JHY: variants seen among roughly 807,000 people sequenced by gnomAD.
The protein encoded by JHY is jhy protein homolog.
In JHY, 69 loss-of-function variants were observed where a neutral mutation model predicts 78.0. The ratio of observed to expected loss-of-function variants is 0.88; its 90% CI spans 0.73 to 1.08. JHY has a LOEUF of 1.08. Ranked by LOEUF, JHY falls within the 50% of genes least tolerant of loss-of-function variation. JHY has a pLI of 0.00. For synonymous variants in JHY, 368 were observed against 342.6 expected (o/e 1.07, Z -0.82); for missense variants, 944 against 927.8 (o/e 1.02, Z -0.23).
chr11:122,890,073 C>T (rs903600704), intron 2 of JHY, among the ~76,000 whole-genome samples: 13 of 150,024 alleles, frequency 8.7e-5, no homozygotes, highest in Non-Finnish European at 3.0e-5. Flanking sequence ...TTTTTTCCAA[C>T]GAAACTTTAA....
chr11:122,935,222 C>G lies in JHY; in HGVS notation c.1634+147C>G. ...CCTAACAACTTCCTTAGCTCTGATT[C>G]CTGCCTCAAAGAGTCCACTTTTTTT... On this transcript the variant is annotated intron_variant, in intron 5 of 8. Coordinates refer to ENST00000227349, the MANE Select transcript of JHY (RefSeq NM_024806.4). This position sits in a 1 kb window ranked among gnomAD's most constrained non-coding sequence, Gnocchi z 4.5. The G allele has an allele frequency of 3.0e-6, 2 of 664,738 alleles. No individual in the cohort carries two copies. Among genetic ancestry groups the G allele is most frequent in the Non-Finnish European group, 4.7e-6 (2 of 424,982 alleles). 41.2% of individuals were successfully genotyped at this position (664,738 alleles called of 1,614,324 possible).
intron 3 of JHY, among the ~76,000 whole-genome samples, chr11:122,915,078 T>C (rs1863207470): frequency 2.0e-5 from 3 of 152,158 alleles, no homozygotes; most frequent in Non-Finnish European, 2.9e-5. Flanking sequence ...AACCAAAGCA[T>C]GCCCCTTTGA....
chr11:122,915,948 G>A (rs887215178), intron 3 of JHY, among the ~76,000 whole-genome samples: 2 of 151,780 alleles, frequency 1.3e-5, no homozygotes, highest in African/African-American at 4.8e-5. Flanking sequence ...CTATACTGCT[G>A]GTCAAGAACT....
rs1186657870 is a variant in JHY at position 122,959,460 on chromosome 11, G to A, written c.*15G>A. The A allele has an allele frequency of 1.9e-6, 3 of 1,611,260 alleles. No homozygotes were observed. Among genetic ancestry groups the A allele is most frequent in the Non-Finnish European group, 2.5e-6 (3 of 1,178,246 alleles). ...ACATCGTATAGACAACATTTGATAG[G>A]AAGGAGACCAAAAATGGTCCAGGAA... is the stretch of plus-strand genomic sequence containing the variant. On this transcript the variant is annotated 3_prime_UTR_variant, in exon 9 of 9. Coordinates refer to ENST00000227349, the MANE Select transcript of JHY (RefSeq NM_024806.4).
At chr11:122,925,072 T>C in intron 4 of JHY, 62 bp downstream of exon 4, 1 of 1,293,128 alleles carries the variant, frequency 7.7e-7, no homozygotes. Flanking sequence ...TAAGTAATGA[T>C]CGTGACTGAG....
At chr11:122,946,921 C>G in intron 6 of JHY, 129 bp downstream of exon 6, 1 of 1,116,018 alleles carries the variant, frequency 9.0e-7, no homozygotes. Context: ...CGCCCAGAGT[C>G]CTAAGGAGTT....
chr11:122,921,995 A>G (rs1386661689), intron 3 of JHY, among the ~76,000 whole-genome samples: 1 of 152,136 alleles, frequency 6.6e-6, no homozygotes, highest in African/African-American at 2.4e-5. Context: ...AAGAGAGAGA[A>G]AGAAGAGAAA....
At chr11:122,921,985 A>C (rs984133367) in intron 3 of JHY, among the ~76,000 whole-genome samples, 1 of 152,158 alleles carries the variant, frequency 6.6e-6, no homozygotes, top group Admixed American at 6.5e-5. Context: ...GGAAAAAAAA[A>C]AGAGAGAGAA....
Position 122,961,702 on chromosome 11 carries a change from C to T in JHY, c.*2257C>T, listed in dbSNP as rs1864320553. ...AGTTTGCCTTTGTTAAATCTTGGTG[C>T]CTGACTAAAGATTACCAGGTTATAG... is the stretch of plus-strand genomic sequence containing the variant. On this transcript the variant is annotated 3_prime_UTR_variant, in exon 9 of 9. Transcript: ENST00000227349. Among the ~76,000 whole-genome samples, 1 of 151,994 alleles carries T rather than the reference C, an allele frequency of 6.6e-6. No individual in the cohort carries two copies. Among genetic ancestry groups the T allele is most frequent in the South Asian group, 2.1e-4 (1 of 4,822 alleles).
rs1862789996 is a variant in JHY at position 122,898,950 on chromosome 11, T to C, written c.345-4975T>C. ...ACATTGTCTCTGCCTCCTCTCCTTTTTACATGCTGTTCCCTCAGCCTGGCA... is the reference window on the plus strand; with the variant it reads ...ACATTGTCTCTGCCTCCTCTCCTTTCTACATGCTGTTCCCTCAGCCTGGCA... On this transcript the variant is annotated intron_variant, in intron 2 of 8. Transcript: ENST00000227349. This position sits in a 1 kb window ranked among gnomAD's most constrained non-coding sequence, Gnocchi z 4.4. Among the ~76,000 whole-genome samples, 1 of 151,634 alleles carries C rather than the reference T, an allele frequency of 6.6e-6. No individual in the cohort carries two copies. The highest frequency in any genetic ancestry group is 1.5e-5 in the Non-Finnish European group (1 of 67,894).
intron 6 of JHY, among the ~76,000 whole-genome samples, chr11:122,951,262 C>T (rs759492448): frequency 3.3e-5 from 5 of 152,210 alleles, no homozygotes; most frequent in Non-Finnish European, 5.9e-5. Context: ...GCCATGAAAT[C>T]TAGACATCAG....
At chr11:122,931,920 C>G (rs977686710) in intron 4 of JHY, among the ~76,000 whole-genome samples, 1 of 152,126 alleles carries the variant, frequency 6.6e-6, no homozygotes, top group Non-Finnish European at 1.5e-5. Flanking sequence ...AAATTATCAT[C>G]CCAGCATTAG....
intron 2 of JHY, among the ~76,000 whole-genome samples, chr11:122,893,862 G>A (rs549577570): frequency 6.6e-6 from 1 of 152,216 alleles, no homozygotes; most frequent in East Asian, 1.9e-4. Flanking sequence ...TTTATTTATT[G>A]TACAGAGGAG....
intron 6 of JHY, among the ~76,000 whole-genome samples, chr11:122,953,810 A>G (rs1334191994): frequency 2.0e-5 from 3 of 152,084 alleles, no homozygotes; most frequent in Non-Finnish European, 2.9e-5. Context: ...AATGTTACTA[A>G]TTTTTTAATG....
At chr11:122,904,551 C>A in intron 3 of JHY, 107 bp downstream of exon 3, 1 of 1,288,834 alleles carries the variant, frequency 7.8e-7, no homozygotes. Flanking sequence ...GTCATAGCAG[C>A]CACCTAGCTG....
At position 122,960,156 on chromosome 11, in the gene JHY, C is replaced by A. The variant is rs1176020781; in HGVS notation, c.*711C>A. On this transcript the variant is annotated 3_prime_UTR_variant, in exon 9 of 9. Transcript: ENST00000227349. ...GGCTGAGGCACAAGAATTGCTTGAA[C>A]CCGGGAGGCAGAGGTTACAGTGAGC... is the stretch of plus-strand genomic sequence containing the variant. 1.3e-5 allele frequency among the ~76,000 whole-genome samples: 2 copies of A among 152,042 alleles called. No homozygotes were observed. Among genetic ancestry groups the A allele is most frequent in the African/African-American group, 4.8e-5 (2 of 41,410 alleles).
chr11:122,903,832 A>G, intron 2 of JHY, 93 bp from the exon 3 acceptor site: 1 of 1,453,158 alleles, frequency 6.9e-7, no homozygotes, highest in Non-Finnish European at 9.2e-7. Context: ...TAGGAGAAAG[A>G]CTGAGATTGA....
intron 8 of JHY, chr11:122,958,956 A>G (rs1864248314): frequency 2.0e-6 from 2 of 985,414 alleles, no homozygotes; most frequent in East Asian, 1.1e-4. Context: ...GACCAAACAC[A>G]TAAGAAGGAA....
At chr11:122,955,409 C>T (rs1377028136) in intron 6 of JHY, among the ~76,000 whole-genome samples, 3 of 152,154 alleles carry the variant, frequency 2.0e-5, no homozygotes. Context: ...GCATGAGTCA[C>T]CGCGCCCAGC....
Sources: allele counts gnomAD v4.1 joint callset (sites outside exome capture counted in the v4.1 genomes callset), GRCh38; gene constraint gnomAD v4.1.1; non-coding constraint Gnocchi (gnomAD v3.1); transcripts MANE v1.5; gene names NCBI Gene and HGNC (gene_info 2026-07-23, HGNC 2026-07-21).